Variants in MIX23 observed in about 807,000 individuals in gnomAD.
MIX23 encodes the protein protein MIX23.
A neutral mutation model predicts 21.6 loss-of-function variants in MIX23; 13 were observed. The ratio of observed to expected loss-of-function variants is 0.60; its 90% CI spans 0.39 to 0.96. The LOEUF is 0.96. Ranked by LOEUF, MIX23 falls within the 40% of genes least tolerant of loss-of-function variation. The pLI is 0.00. For synonymous variants in MIX23, 59 were observed against 58.0 expected, an observed-to-expected ratio of 1.02 and a Z score of -0.08; for missense variants, 144 against 171.2, an observed-to-expected ratio of 0.84 and a Z score of 0.89.
chr3:122,360,888 G>A (rs1407965210), intron 4 of MIX23, among the ~76,000 whole-genome samples: 1 of 152,168 alleles, frequency 6.6e-6, no homozygotes, highest in Non-Finnish European at 1.5e-5. Context: ...TTGTCGCCCA[G>A]GCTGGAGTGC....
chr3:122,374,301 ATTAT>A (rs1401164451), intron 1 of MIX23, among the ~76,000 whole-genome samples: 1 of 152,158 alleles, frequency 6.6e-6, no homozygotes, highest in African/African-American at 2.4e-5. Context: ...CACAGAGCTC[ATTAT>A]TTATTAACTC....
intron 2 of MIX23, among the ~76,000 whole-genome samples, chr3:122,370,497 T>C (rs1035057939): frequency 6.7e-6 from 1 of 149,272 alleles, no homozygotes; most frequent in Non-Finnish European, 1.5e-5. Flanking sequence ...GCAGAGGTTA[T>C]GTGACATAAT....
intron 3 of MIX23, among the ~76,000 whole-genome samples, chr3:122,366,012 A>G (rs1389742663): frequency 2.0e-5 from 3 of 151,796 alleles, no homozygotes; most frequent in Non-Finnish European, 4.4e-5. Context: ...TGTCTCTACT[A>G]AAAATACAAA....
rs571685599 is a variant in MIX23, at chr3:122,359,793, T to G, written c.*76A>C. 384 of 1,380,064 alleles carry G rather than the reference T, an allele frequency of 2.8e-4. No homozygotes were observed. The highest frequency in any genetic ancestry group is 3.4e-4 in the Non-Finnish European group (356 of 1,057,528). The allele number at this position is 1,380,064 out of a possible 1,614,324, so 85.5% of individuals were successfully genotyped here. On this transcript the variant is annotated 3_prime_UTR_variant, in exon 5 of 5. Coordinates refer to ENST00000291458, the MANE Select transcript of MIX23 (RefSeq NM_001017928.4). The stretch of plus-strand genomic sequence containing the variant: ...TCCTAGAAAGCCCGCCCTGTTGATA[T>G]CTGTCATGCTTAGCTCTTATGAGAT...
At chr3:122,364,017 C>A (rs1329235252) in intron 3 of MIX23, among the ~76,000 whole-genome samples, 1 of 152,142 alleles carries the variant, frequency 6.6e-6, no homozygotes, top group African/African-American at 2.4e-5. Flanking sequence ...AAGTGAAGAA[C>A]CCAGGCCAGA....
chr3:122,364,901 T>G (rs868414841), intron 3 of MIX23, among the ~76,000 whole-genome samples: 13 of 152,306 alleles, frequency 8.5e-5, no homozygotes, highest in Middle Eastern at 6.8e-3. Context: ...AGATTCAAAA[T>G]CAGACTTTTC....
chr3:122,361,758 A>T (rs1317098667), intron 4 of MIX23, among the ~76,000 whole-genome samples: 1 of 152,188 alleles, frequency 6.6e-6, no homozygotes, highest in Non-Finnish European at 1.5e-5. Context: ...CAAGTGACAG[A>T]CACCTTATCA....
chr3:122,363,139 C>T (rs1192485163), intron 3 of MIX23, 112 bp from the exon 4 acceptor site: 2 of 782,752 alleles, frequency 2.6e-6, no homozygotes, highest in South Asian at 1.7e-5. Context: ...ACAAAACCTG[C>T]TACTGCTCTA....
chr3:122,369,487 CAGT>C (rs2075421838), intron 2 of MIX23, among the ~76,000 whole-genome samples: 1 of 152,216 alleles, frequency 6.6e-6, no homozygotes, highest in Admixed American at 6.5e-5. Flanking sequence ...TAAGGGAACT[CAGT>C]GGTGCTTATT....
intron 1 of MIX23, among the ~76,000 whole-genome samples, chr3:122,379,706 TAC>T (rs1392966072): frequency 3.9e-5 from 6 of 152,142 alleles, no homozygotes; most frequent in Admixed American, 1.3e-4. Flanking sequence ...AACACAGAAA[TAC>T]ACACAGTTCA....
intron 1 of MIX23, among the ~76,000 whole-genome samples, chr3:122,380,984 C>A (rs1032969013): frequency 6.6e-6 from 1 of 152,172 alleles, no homozygotes; most frequent in Non-Finnish European, 1.5e-5. Context: ...TTCCACAAAT[C>A]TGGTTGCAAT....
chr3:122,362,905 G>T (rs973910458), intron 4 of MIX23, 63 bp downstream of exon 4: 27 of 1,345,782 alleles, frequency 2.0e-5, no homozygotes, highest in Non-Finnish European at 2.7e-5. Context: ...CCCCTCCCTT[G>T]GTTTCCCTTT....
chr3:122,367,201 T>C (rs567346667), intron 3 of MIX23, among the ~76,000 whole-genome samples: 2 of 151,976 alleles, frequency 1.3e-5, no homozygotes, highest in East Asian at 3.9e-4. Flanking sequence ...GAATGAACTG[T>C]AAAGCAGGTG....
chr3:122,377,405 A>G (rs1200505616), intron 1 of MIX23, among the ~76,000 whole-genome samples: 1 of 152,158 alleles, frequency 6.6e-6, no homozygotes, highest in African/African-American at 2.4e-5. Context: ...ACTAGAAGAG[A>G]TCACTGGAGG....
At chr3:122,381,336 T>C (rs1353777139) in intron 1 of MIX23, among the ~76,000 whole-genome samples, 1 of 152,158 alleles carries the variant, frequency 6.6e-6, no homozygotes, top group African/African-American at 2.4e-5. Flanking sequence ...CCAACATGAC[T>C]GTATCTGGAG....
chr3:122,381,749 G>T (rs1267275920), intron 1 of MIX23, among the ~76,000 whole-genome samples: 1 of 150,424 alleles, frequency 6.6e-6, no homozygotes, highest in African/African-American at 2.4e-5. Context: ...AAAAAAAGAA[G>T]AGGAGGAAGA....
At chr3:122,383,120 G>A in intron 1 of MIX23, 54 bp downstream of exon 1, 1 of 1,604,478 alleles carries the variant, frequency 6.2e-7, no homozygotes, top group African/African-American at 1.3e-5. Flanking sequence ...GCAGGGAATA[G>A]GGTCTGGGGA....
chr3:122,380,616 T>C lies in MIX23; in HGVS notation c.51+2558A>G, dbSNP rs182599839. On this transcript the variant is annotated intron_variant, in intron 1 of 4. Coordinates refer to ENST00000291458, the MANE Select transcript of MIX23 (RefSeq NM_001017928.4). ...ATGAAAGAGACACGTATGAGGACAATAATAAGAGACATGACAAGAGGCACT... is the reference window on the plus strand; with the variant it reads ...ATGAAAGAGACACGTATGAGGACAACAATAAGAGACATGACAAGAGGCACT... Among the ~76,000 whole-genome samples the C allele has an allele frequency of 3.2e-3, 487 of 152,150 alleles. 1 individual carries two copies. Among genetic ancestry groups the C allele is most frequent in the African/African-American group, 0.011 (476 of 41,522 alleles).
intron 1 of MIX23, among the ~76,000 whole-genome samples, chr3:122,376,283 G>A (rs1260290577): frequency 2.7e-5 from 4 of 150,584 alleles, no homozygotes; most frequent in South Asian, 2.1e-4. Context: ...TATGGTGTAC[G>A]TATACACACA....
Sources: gnomAD v4.1 joint callset for allele counts (sites outside exome capture counted in the v4.1 genomes callset) on GRCh38, gnomAD v4.1.1 for gene constraint, MANE v1.5 for transcripts, NCBI Gene and HGNC (gene_info 2026-07-23, HGNC 2026-07-21) for gene names.